N4BP2: variants seen among roughly 807,000 people sequenced by gnomAD.
N4BP2 encodes the protein NEDD4-binding protein 2.
N4BP2 carries 91 observed loss-of-function variants against 152.8 expected under a neutral mutation model. That is an observed-to-expected ratio of 0.60 (90% CI 0.50 to 0.71). N4BP2 has a LOEUF of 0.71. Ranked by LOEUF, N4BP2 falls within the 30% of genes least tolerant of loss-of-function variation. The pLI is 0.00. For synonymous variants in N4BP2, 646 were observed against 705.3 expected, an observed-to-expected ratio of 0.92 and a Z score of 1.33; for missense variants, 1,923 against 2,059.1, an observed-to-expected ratio of 0.93 and a Z score of 1.28.
chr4:40,114,811 C>T (rs1717203649), intron 7 of N4BP2, among the ~76,000 whole-genome samples: 1 of 152,058 alleles, frequency 6.6e-6, no homozygotes, highest in Admixed American at 6.6e-5. Context: ...CTGATGTTTT[C>T]TTTGTGAGAA....
intron 1 of N4BP2, among the ~76,000 whole-genome samples, chr4:40,064,886 C>T (rs1733925129): frequency 6.6e-6 from 1 of 152,060 alleles, no homozygotes; most frequent in Admixed American, 6.6e-5. Context: ...TCTCCTGCCT[C>T]AGCCTCCTGT....
intron 17 of N4BP2, 46 bp downstream of exon 17, chr4:40,152,949 A>G: frequency 6.3e-7 from 1 of 1,589,286 alleles, no homozygotes. Context: ...GCCCATATAG[A>G]TCTTTATCAG....
At chr4:40,189,201 G>A in the N4BP2 span, among the ~76,000 whole-genome samples, 1 of 140,092 alleles carries the variant, frequency 7.1e-6, no homozygotes. This position sits in a 1 kb window ranked among gnomAD's most constrained non-coding sequence, Gnocchi z 4.3. Context: ...ACCATCAAGG[G>A]AGCAGAGAAT....
intron 5 of N4BP2, among the ~76,000 whole-genome samples, chr4:40,110,064 A>T (rs1716722635): frequency 6.6e-6 from 1 of 152,218 alleles, no homozygotes; most frequent in Non-Finnish European, 1.5e-5. Flanking sequence ...TATTCCAGAC[A>T]TTTCCTACAA....
intron 1 of N4BP2, among the ~76,000 whole-genome samples, chr4:40,061,071 T>C (rs1182181679): frequency 6.6e-6 from 1 of 152,042 alleles, no homozygotes; most frequent in East Asian, 1.9e-4. Context: ...CACCTTGGCC[T>C]CCTAAAGCCC....
rs778755388 is a variant in N4BP2, at chr4:40,097,309, A to G, written c.-32A>G. 156 of 1,576,626 alleles carry G rather than the reference A, an allele frequency of 9.9e-5. No individual in the cohort carries two copies. Among genetic ancestry groups the G allele is most frequent in the Admixed American group, 3.4e-4 (20 of 59,512 alleles). On this transcript the variant is annotated 5_prime_UTR_variant, in exon 3 of 18. Transcript: ENST00000261435. ...TTAAATGTCAAACATCTTAACTAAG[A>G]AAAGGGAAACATTTTAGTTTTGGAA...
At chr4:40,127,422 C>G (rs951898989) in intron 12 of N4BP2, among the ~76,000 whole-genome samples, 1 of 151,702 alleles carries the variant, frequency 6.6e-6, no homozygotes, top group Admixed American at 6.6e-5. Flanking sequence ...GCCATGTTGC[C>G]CAAGCTGGTC....
At position 40,120,891 on chromosome 4, in the gene N4BP2, A is replaced by C. The variant is rs150758210; in HGVS notation, c.2780A>C (p.His927Pro). ...KMNEISLSTA[H>P]EACWGTSSQK... Reference sequence around the variant, plus strand: ...AATGAAATATCCTTATCTACAGCACATGAGGCCTGTTGGGGCACAAGCTCT... The same window carrying C: ...AATGAAATATCCTTATCTACAGCACCTGAGGCCTGTTGGGGCACAAGCTCT... The change falls in exon 9 of 18, where the codon CAT (histidine) becomes CCT (proline). Residue 927 changes from histidine to proline, a missense_variant. Physicochemically the swap from His to Pro is moderately conservative, Grantham distance 77 (BLOSUM62 -2). Transcript: ENST00000261435. 532 of 1,614,164 alleles carry C rather than the reference A, an allele frequency of 3.3e-4. No individual in the cohort carries two copies. The African/African-American group carries it at 5.7e-3, about 17-fold the overall frequency.
chr4:40,152,914 A>G lies in N4BP2; in HGVS notation c.5267+11A>G, dbSNP rs1223594967. The G allele has an allele frequency of 3.1e-6, 5 of 1,613,138 alleles. No individual in the cohort carries two copies. The highest frequency in any genetic ancestry group is 4.2e-6 in the Non-Finnish European group (5 of 1,179,604). On this transcript the variant is annotated intron_variant, in intron 17 of 17. Coordinates refer to ENST00000261435, the MANE Select transcript of N4BP2 (RefSeq NM_018177.6). Reference sequence around the variant, plus strand: ...AAGCCATAGCTTCAGGTGAGTGTAGATTTCTGTTATTAATAATGGCAACTG... The same window carrying G: ...AAGCCATAGCTTCAGGTGAGTGTAGGTTTCTGTTATTAATAATGGCAACTG...
chr4:40,189,638 C>T, the N4BP2 span, among the ~76,000 whole-genome samples: 1 of 152,106 alleles, frequency 6.6e-6, no homozygotes, highest in Non-Finnish European at 1.5e-5. This position sits in a 1 kb window ranked among gnomAD's most constrained non-coding sequence, Gnocchi z 4.3. Context: ...CCTGTAATCC[C>T]AGCACTCTGG....
the N4BP2 span, among the ~76,000 whole-genome samples, chr4:40,187,520 A>G: frequency 1.3e-5 from 2 of 152,010 alleles, no homozygotes; most frequent in Non-Finnish European, 2.9e-5. Flanking sequence ...GGGTCTTGCT[A>G]TGTTGCCCAG....
chr4:40,162,526 T>C (rs992986180), downstream of N4BP2, among the ~76,000 whole-genome samples: 8 of 152,126 alleles, frequency 5.3e-5, no homozygotes, highest in African/African-American at 1.9e-4. Context: ...CCGATGATAC[T>C]TGTCCAACCA....
intron 13 of N4BP2, among the ~76,000 whole-genome samples, chr4:40,135,672 C>G (rs1719318522): frequency 6.6e-6 from 1 of 152,204 alleles, no homozygotes; most frequent in Non-Finnish European, 1.5e-5. Flanking sequence ...AGGCAATTCT[C>G]CTGTCTCAGC....
chr4:40,119,239 C>T (rs1717630089), intron 8 of N4BP2, among the ~76,000 whole-genome samples: 1 of 152,080 alleles, frequency 6.6e-6, no homozygotes, highest in Admixed American at 6.6e-5. Context: ...ATAGAAAACT[C>T]AGCGTTAGGT....
chr4:40,098,624 T>C (rs1715317898), intron 3 of N4BP2, among the ~76,000 whole-genome samples: 1 of 152,228 alleles, frequency 6.6e-6, no homozygotes, highest in African/African-American at 2.4e-5. Context: ...GAGCATATCT[T>C]GTCCAGTTAT....
chr4:40,064,104 T>C (rs1032527638), intron 1 of N4BP2, among the ~76,000 whole-genome samples: 12 of 152,138 alleles, frequency 7.9e-5, no homozygotes, highest in Non-Finnish European at 1.0e-4. Flanking sequence ...CCTCATCCAC[T>C]GTAATTCTTA....
chr4:40,075,124 T>C (rs1305148089), intron 2 of N4BP2, among the ~76,000 whole-genome samples: 1 of 152,158 alleles, frequency 6.6e-6, no homozygotes, highest in African/African-American at 2.4e-5. Flanking sequence ...CTATGCATAG[T>C]ACCATTTTGG....
chr4:40,138,332 G>A (rs1442645475), intron 14 of N4BP2, among the ~76,000 whole-genome samples: 1 of 152,100 alleles, frequency 6.6e-6, no homozygotes, highest in East Asian at 1.9e-4. Context: ...CTAGATACAA[G>A]TCCCCAGTCA....
At chr4:40,132,804 T>C (rs1411614372) in intron 13 of N4BP2, among the ~76,000 whole-genome samples, 4 of 150,126 alleles carry the variant, frequency 2.7e-5, no homozygotes, top group African/African-American at 9.8e-5. Context: ...CAATAATGGA[T>C]TTCTGGAATA....
Sources: gnomAD v4.1 joint callset for allele counts (sites outside exome capture counted in the v4.1 genomes callset) on GRCh38, gnomAD v4.1.1 for gene constraint, Gnocchi (gnomAD v3.1) non-coding constraint, MANE v1.5 for transcripts, NCBI Gene and HGNC (gene_info 2026-07-23, HGNC 2026-07-21) for gene names.